The following TENM2 variants were observed in gnomAD, a reference collection of about 807,000 sequenced individuals.
TENM2 encodes teneurin transmembrane protein 2.
TENM2 carries 52 observed loss-of-function variants against 245.2 expected under a neutral mutation model. That is an observed-to-expected ratio of 0.21 (90% CI 0.17 to 0.27). The LOEUF (loss-of-function observed/expected upper bound fraction) is 0.27, where lower values mean the gene tolerates loss of function less well. TENM2 is among the 10% of genes least tolerant of loss of function. The pLI, the probability that TENM2 is intolerant of heterozygous loss-of-function variation, is 1.00. For synonymous variants in TENM2, 1,363 were observed against 1,438.9 expected (o/e 0.95, Z 1.19); for missense variants, 3,046 against 3,666.8 (o/e 0.83, Z 4.37).
intron 2 of TENM2, among the ~76,000 whole-genome samples, chr5:167,838,567 C>T (rs534707509): frequency 5.5e-4 from 84 of 152,308 alleles, no homozygotes; most frequent in African/African-American, 1.8e-3. Context: ...ATTGCTGACA[C>T]ATTCCATGCT....
At chr5:168,057,851 G>A (rs895774820) in intron 6 of TENM2, among the ~76,000 whole-genome samples, 1 of 152,150 alleles carries the variant, frequency 6.6e-6, no homozygotes, top group African/African-American at 2.4e-5. Context: ...GGTCTGAGGG[G>A]AGTCGGTGGG....
At chr5:167,947,780 G>C (rs765589128) in intron 3 of TENM2, among the ~76,000 whole-genome samples, 3 of 152,164 alleles carry the variant, frequency 2.0e-5, no homozygotes, top group Non-Finnish European at 2.9e-5. Flanking sequence ...GAGGGTCTGA[G>C]GGAGTTGAAA....
At chr5:167,709,155 C>A (rs1382154294) in intron 2 of TENM2, among the ~76,000 whole-genome samples, 1 of 152,172 alleles carries the variant, frequency 6.6e-6, no homozygotes, top group African/African-American at 2.4e-5. Flanking sequence ...CCCCACCGCC[C>A]CATCTGCAGC....
chr5:168,165,640 C>A (rs1265168222), intron 13 of TENM2, among the ~76,000 whole-genome samples: 3 of 10,374 alleles, frequency 2.9e-4, no homozygotes, highest in Non-Finnish European at 7.1e-4. Flanking sequence ...TTCAGGATCC[C>A]CCCCCCAACC....
chr5:167,856,798 T>C (rs571344350), intron 2 of TENM2, among the ~76,000 whole-genome samples: 2 of 152,356 alleles, frequency 1.3e-5, no homozygotes, highest in South Asian at 2.1e-4. Flanking sequence ...CAAAACATTG[T>C]CTACAGCCTT....
At chr5:167,445,949 G>T (rs1336578585) in intron 2 of TENM2, among the ~76,000 whole-genome samples, 1 of 152,036 alleles carries the variant, frequency 6.6e-6, no homozygotes, top group Non-Finnish European at 1.5e-5. Flanking sequence ...ATGGCTAAAT[G>T]GTGTCATTGT....
chr5:167,498,004 A>C (rs1438499885), intron 2 of TENM2, among the ~76,000 whole-genome samples: 1 of 152,066 alleles, frequency 6.6e-6, no homozygotes, highest in Non-Finnish European at 1.5e-5. Context: ...ATCGCCTCAG[A>C]ATTATGTCGA....
intron 4 of TENM2, among the ~76,000 whole-genome samples, chr5:167,956,080 A>G (rs974079398): frequency 1.3e-5 from 2 of 152,138 alleles, no homozygotes; most frequent in Non-Finnish European, 2.9e-5. Context: ...TATTTTCACT[A>G]TATTGATTCT....
At chr5:167,322,622 C>T (rs1756834258) in intron 1 of TENM2, among the ~76,000 whole-genome samples, 1 of 152,052 alleles carries the variant, frequency 6.6e-6, no homozygotes, top group Non-Finnish European at 1.5e-5. Context: ...TAAATCTCCC[C>T]ATTCTTCCTT....
chr5:167,144,718 G>A, the TENM2 span, among the ~76,000 whole-genome samples: 1 of 152,120 alleles, frequency 6.6e-6, no homozygotes, highest in Non-Finnish European at 1.5e-5. Context: ...AATAAAGATG[G>A]CAGAGTTGAC....
chr5:167,524,948 G>A (rs1199065378), intron 2 of TENM2, among the ~76,000 whole-genome samples: 4 of 151,824 alleles, frequency 2.6e-5, no homozygotes, highest in African/African-American at 9.7e-5. Flanking sequence ...CATCTGAAGT[G>A]GTGCCCACGG....
At chr5:167,674,219 A>G (rs957592776) in intron 2 of TENM2, among the ~76,000 whole-genome samples, 2 of 152,094 alleles carry the variant, frequency 1.3e-5, no homozygotes, top group African/African-American at 4.8e-5. Context: ...CAGTTTAGTC[A>G]ACTCAGCTGC....
intron 2 of TENM2, among the ~76,000 whole-genome samples, chr5:167,560,539 T>C (rs1398277553): frequency 6.6e-6 from 1 of 152,126 alleles, no homozygotes; most frequent in Non-Finnish European, 1.5e-5. Context: ...TTAGGCATAT[T>C]TGACTCTTCC....
chr5:167,807,759 G>A (rs1766332679), intron 2 of TENM2, among the ~76,000 whole-genome samples: 1 of 151,994 alleles, frequency 6.6e-6, no homozygotes, highest in Non-Finnish European at 1.5e-5. Flanking sequence ...GAATGAATTT[G>A]TCTTTTTCCG....
At chr5:167,232,271 G>T in the TENM2 span, among the ~76,000 whole-genome samples, 5 of 152,026 alleles carry the variant, frequency 3.3e-5, no homozygotes, top group African/African-American at 7.2e-5. Context: ...CAGAATGATC[G>T]ATTCACCAAC....
Position 168,248,714 on chromosome 5 carries a change from T to A in TENM2, c.7432+343T>A, listed in dbSNP as rs117140150. Among the ~76,000 whole-genome samples, 262 of 152,342 alleles carry A rather than the reference T, an allele frequency of 1.7e-3. 6 individuals are homozygous for A. In the East Asian group the frequency reaches 0.033, roughly 19 times the overall value. ...CCTGGTTCAAATTCTCTCTCTTCTA[T>A]TTATAAGCCAAAGGACCTTGGACTA... On this transcript the variant is annotated intron_variant, in intron 27 of 28. Coordinates refer to ENST00000518659, the Ensembl canonical transcript of TENM2.
chr5:167,543,759 T>A (rs1478330707), intron 2 of TENM2, among the ~76,000 whole-genome samples: 1 of 152,158 alleles, frequency 6.6e-6, no homozygotes, highest in Non-Finnish European at 1.5e-5. Context: ...TTACGGTGAT[T>A]TGCTAGCAAT....
intron 2 of TENM2, among the ~76,000 whole-genome samples, chr5:167,841,100 C>T (rs575422177): frequency 2.5e-4 from 38 of 151,914 alleles, no homozygotes; most frequent in African/African-American, 8.2e-4. Flanking sequence ...TCTGTCAACC[C>T]GGATGGAGTA....
At chr5:167,045,164 T>C in the TENM2 span, among the ~76,000 whole-genome samples, 2 of 152,138 alleles carry the variant, frequency 1.3e-5, no homozygotes, top group Admixed American at 1.3e-4. Context: ...ACTTATTTGG[T>C]GGGGAAGAAG....
Sources: allele counts gnomAD v4.1 joint callset (sites outside exome capture counted in the v4.1 genomes callset), GRCh38; gene constraint gnomAD v4.1.1; transcripts MANE v1.5; gene names NCBI Gene and HGNC (gene_info 2026-07-23, HGNC 2026-07-21).